Variants in SNX8 observed in about 807,000 individuals in gnomAD.
SNX8 encodes sorting nexin-8.
Under a neutral mutation model 51.6 loss-of-function variants are expected in SNX8, and 25 were observed. That is an observed-to-expected ratio of 0.48 (90% CI 0.35 to 0.68). The LOEUF is 0.68. Among genes scored for constraint, SNX8 ranks in the 30% least tolerant of loss-of-function variants. The probability of loss-of-function intolerance (pLI) is 0.00; values close to 1 mark genes in which losing one functional copy is unlikely to be tolerated. For missense variants in SNX8, 695 were observed against 624.0 expected (o/e 1.11, Z -1.21); for synonymous variants, 324 against 277.0 (o/e 1.17, Z -1.68).
intron 1 of SNX8, among the ~76,000 whole-genome samples, chr7:2,311,386 T>C (rs1297025678): frequency 6.6e-6 from 1 of 152,342 alleles, no homozygotes; most frequent in Middle Eastern, 3.4e-3. Context: ...TTTTTGTTTT[T>C]GTTTTCTTTT....
intron 7 of SNX8, among the ~76,000 whole-genome samples, chr7:2,259,726 G>A (rs1461476009): frequency 2.0e-5 from 3 of 152,196 alleles, no homozygotes; most frequent in Non-Finnish European, 2.9e-5. Flanking sequence ...CCAGCTGACC[G>A]CAGGTGCCCA....
chr7:2,308,269 G>C (rs1392616929), intron 1 of SNX8, among the ~76,000 whole-genome samples: 2 of 151,910 alleles, frequency 1.3e-5, no homozygotes, highest in African/African-American at 2.4e-5. Flanking sequence ...CTGTTTTCTG[G>C]AGAGAGCCAG....
rs564812038 is a variant in SNX8 at position 2,269,233 on chromosome 7, C to T, written c.621+326G>A. ...TCCTGTTGATCTGTGACCTTACCCC[C>T]AACCCTGTGCTGTGTCCACTCAGGG... On this transcript the variant is annotated intron_variant, in intron 5 of 10. Coordinates refer to ENST00000222990, the MANE Select transcript of SNX8 (RefSeq NM_013321.4). 2.3e-4 allele frequency among the ~76,000 whole-genome samples: 34 copies of T among 149,106 alleles called. 3 individuals are homozygous for T. The highest frequency in any genetic ancestry group is 3.5e-4 in the Non-Finnish European group (23 of 66,556).
intron 1 of SNX8, among the ~76,000 whole-genome samples, chr7:2,307,547 G>A (rs547025720): frequency 2.0e-5 from 3 of 148,318 alleles, no homozygotes; most frequent in South Asian, 2.1e-4. Flanking sequence ...CAGAAGACTC[G>A]CTTGAACCCG....
intron 2 of SNX8, 60 bp downstream of exon 2, chr7:2,278,040 G>A: frequency 1.9e-6 from 3 of 1,575,502 alleles, no homozygotes; most frequent in Middle Eastern, 3.4e-4. Flanking sequence ...GCCCTGAGAT[G>A]TTGAGACGTG....
chr7:2,272,997 C>G (rs1795684456), intron 3 of SNX8, among the ~76,000 whole-genome samples: 1 of 151,826 alleles, frequency 6.6e-6, no homozygotes, highest in South Asian at 2.1e-4. Context: ...CCACACCTGG[C>G]TAATGTTTAT....
chr7:2,290,663 G>A (rs757002893), intron 1 of SNX8, among the ~76,000 whole-genome samples: 114 of 152,188 alleles, frequency 7.5e-4, no homozygotes, highest in Non-Finnish European at 1.1e-3. Context: ...GGCAACAGCC[G>A]CATGCCCTCC....
chr7:2,277,950 C>T, intron 2 of SNX8, 150 bp downstream of exon 2: 3 of 1,308,300 alleles, frequency 2.3e-6, no homozygotes, highest in Non-Finnish European at 3.1e-6. Flanking sequence ...CGCAGCCTGA[C>T]TCTGCTGCGA....
chr7:2,306,302 AT>A (rs1259552611), intron 1 of SNX8, among the ~76,000 whole-genome samples: 1 of 149,698 alleles, frequency 6.7e-6, no homozygotes, highest in Admixed American at 6.7e-5. Context: ...TAATTTTTGT[AT>A]TTTTTTTTAG....
At chr7:2,328,338 T>C (rs1400056698) in intron 1 of SNX8, among the ~76,000 whole-genome samples, 1 of 151,914 alleles carries the variant, frequency 6.6e-6, no homozygotes, top group Non-Finnish European at 1.5e-5. Flanking sequence ...ATTACAGGTG[T>C]GAGCCACCAT....
chr7:2,314,486 G>T, upstream of SNX8: 2 of 1,172,648 alleles, frequency 1.7e-6, no homozygotes, highest in Non-Finnish European at 1.1e-6. Flanking sequence ...GCCGCGCCGC[G>T]CCCTCGCCCC....
chr7:2,325,529 T>A (rs1336786003), intron 1 of SNX8, among the ~76,000 whole-genome samples: 1 of 152,020 alleles, frequency 6.6e-6, no homozygotes, highest in Non-Finnish European at 1.5e-5. Flanking sequence ...GGGCTCAGAA[T>A]GTAATGAGGA....
intron 1 of SNX8, among the ~76,000 whole-genome samples, chr7:2,348,177 T>C (rs1176603685): frequency 6.6e-6 from 1 of 152,122 alleles, no homozygotes; most frequent in African/African-American, 2.4e-5. Context: ...GATCGCCATC[T>C]GTAGGTGAAT....
chr7:2,326,991 G>C (rs902384616), intron 1 of SNX8, among the ~76,000 whole-genome samples: 1 of 152,150 alleles, frequency 6.6e-6, no homozygotes, highest in Non-Finnish European at 1.5e-5. Context: ...GAACTTGGTG[G>C]CTTGAAACAA....
rs1327026036 is a variant in SNX8, at chr7:2,269,485, G to C, written c.621+74C>G. The C allele has an allele frequency of 1.2e-5, 10 of 828,528 alleles. No homozygotes were observed. The African/African-American group carries it at 1.3e-4, about 11-fold the overall frequency. The allele number at this position is 828,528 out of a possible 1,614,324, so 51.3% of individuals were successfully genotyped here. ...CCATGACCCTGCCAAATCCCCCTCT[G>C]CGAGAAACACCCAAGAATGATCAAT... On this transcript the variant is annotated intron_variant, in intron 5 of 10. Coordinates refer to ENST00000222990, the MANE Select transcript of SNX8 (RefSeq NM_013321.4).
intron 1 of SNX8, among the ~76,000 whole-genome samples, chr7:2,349,540 G>A (rs906153859): frequency 6.7e-6 from 1 of 150,286 alleles, no homozygotes; most frequent in Non-Finnish European, 1.5e-5. Flanking sequence ...CCCACCCCAT[G>A]TTCAAGCGAT....
chr7:2,337,729 T>C (rs1175539430), intron 1 of SNX8, among the ~76,000 whole-genome samples: 1 of 151,658 alleles, frequency 6.6e-6, no homozygotes, highest in Non-Finnish European at 1.5e-5. Context: ...TTTTAGATGT[T>C]AGTTAAAGAA....
At chr7:2,289,968 G>A (rs542358803) in intron 1 of SNX8, among the ~76,000 whole-genome samples, 2 of 152,260 alleles carry the variant, frequency 1.3e-5, no homozygotes, top group East Asian at 1.9e-4. Context: ...TGAGGCGGGT[G>A]GATCACCTGA....
At chr7:2,258,008 CTTT>C (rs59062161) in intron 7 of SNX8, among the ~76,000 whole-genome samples, 5 of 126,652 alleles carry the variant, frequency 3.9e-5, no homozygotes, top group African/African-American at 9.7e-5. Context: ...GCCCAGCAGT[CTTT>C]TTTTTTTTTT....
Sources: gnomAD v4.1 joint callset for allele counts (sites outside exome capture counted in the v4.1 genomes callset) on GRCh38, gnomAD v4.1.1 for gene constraint, MANE v1.5 for transcripts, NCBI Gene and HGNC (gene_info 2026-07-23, HGNC 2026-07-21) for gene names.